Variants in PPP4R4 observed in about 807,000 individuals in gnomAD.
PPP4R4 encodes the protein protein phosphatase 4 regulatory subunit 4.
Under a neutral mutation model 121.8 loss-of-function variants are expected in PPP4R4, and 70 were observed. The observed-to-expected ratio is 0.57, with a 90% CI of 0.47 to 0.70. The LOEUF (loss-of-function observed/expected upper bound fraction) is 0.70, where lower values mean the gene tolerates loss of function less well. PPP4R4 is among the 30% of genes least tolerant of loss of function. The pLI, the probability that PPP4R4 is intolerant of heterozygous loss-of-function variation, is 0.00. For synonymous variants in PPP4R4, 348 were observed against 355.7 expected, an observed-to-expected ratio of 0.98 and a Z score of 0.24; for missense variants, 875 against 1,033.6, an observed-to-expected ratio of 0.85 and a Z score of 2.10.
At chr14:94,257,670 C>CAA (rs1350965281) in intron 17 of PPP4R4, among the ~76,000 whole-genome samples, 1 of 151,684 alleles carries the variant, frequency 6.6e-6, no homozygotes, top group Non-Finnish European at 1.5e-5. Flanking sequence ...CACACACACA[C>CAA]ACACACTTGT....
intron 2 of PPP4R4, among the ~76,000 whole-genome samples, chr14:94,194,039 T>C (rs1413954933): frequency 6.6e-6 from 1 of 152,314 alleles, no homozygotes; most frequent in African/African-American, 2.4e-5. Context: ...ATAAAACTTA[T>C]TGTATCTAAG....
At chr14:94,265,256 T>G (rs1893979350) in intron 20 of PPP4R4, 131 bp from the exon 21 acceptor site, 1 of 668,040 alleles carries the variant, frequency 1.5e-6, no homozygotes, top group Middle Eastern at 2.5e-4. Context: ...TATTACCAAG[T>G]AAGAATATTT....
intron 3 of PPP4R4, among the ~76,000 whole-genome samples, chr14:94,228,296 A>T (rs541159024): frequency 4.7e-4 from 71 of 152,324 alleles, no homozygotes; most frequent in Non-Finnish European, 6.3e-4. Flanking sequence ...CGTGAGGAAG[A>T]ATTCAGTGCA....
chr14:94,246,063 TGTAA>T, intron 13 of PPP4R4, among the ~76,000 whole-genome samples: 1 of 152,330 alleles, frequency 6.6e-6, no homozygotes, highest in South Asian at 2.1e-4. Context: ...AGTAATAATA[TGTAA>T]TACATTTTAC....
intron 2 of PPP4R4, among the ~76,000 whole-genome samples, chr14:94,179,151 A>G (rs1888837078): frequency 6.6e-6 from 1 of 152,188 alleles, no homozygotes; most frequent in Non-Finnish European, 1.5e-5. Flanking sequence ...GAATTGTGCA[A>G]CCATCACTGC....
intron 23 of PPP4R4, among the ~76,000 whole-genome samples, chr14:94,267,285 C>T (rs1413143230): frequency 6.6e-6 from 1 of 152,078 alleles, no homozygotes; most frequent in East Asian, 1.9e-4. Flanking sequence ...TATGTTTTGC[C>T]ATACTGGGAA....
intron 19 of PPP4R4, among the ~76,000 whole-genome samples, chr14:94,263,277 G>T (rs933301303): frequency 3.3e-5 from 5 of 151,794 alleles, no homozygotes; most frequent in Non-Finnish European, 7.4e-5. Context: ...ATTATTGTCC[G>T]TAGGCCAAGA....
At chr14:94,204,363 T>C (rs1050267223) in intron 2 of PPP4R4, among the ~76,000 whole-genome samples, 9 of 152,102 alleles carry the variant, frequency 5.9e-5, no homozygotes, top group Non-Finnish European at 1.2e-4. Context: ...GGATTGTCTC[T>C]GCACTGTTGC....
intron 7 of PPP4R4, among the ~76,000 whole-genome samples, chr14:94,236,845 T>G (rs1423204950): frequency 6.6e-6 from 1 of 152,208 alleles, no homozygotes; most frequent in African/African-American, 2.4e-5. Context: ...TCTTAATAAC[T>G]TTCTTGGACT....
intron 21 of PPP4R4, 103 bp from the exon 22 acceptor site, chr14:94,265,691 A>G (rs1894011172): frequency 8.6e-6 from 8 of 935,160 alleles, no homozygotes; most frequent in Non-Finnish European, 1.2e-5. Flanking sequence ...GGCTAAAGCC[A>G]TCTGTGTTTT....
At chr14:94,179,513 G>A (rs888792454) in intron 2 of PPP4R4, among the ~76,000 whole-genome samples, 8 of 152,094 alleles carry the variant, frequency 5.3e-5, no homozygotes, top group Non-Finnish European at 1.2e-4. Flanking sequence ...TTCACTTTTT[G>A]ATTCAGTCAT....
intron 24 of PPP4R4, 30 bp downstream of exon 24, chr14:94,275,551 G>A: frequency 6.2e-7 from 1 of 1,609,704 alleles, no homozygotes; most frequent in Non-Finnish European, 8.5e-7. Flanking sequence ...CAGACTGAGT[G>A]TATTATCCTC....
rs138218420 is a variant in PPP4R4, at chr14:94,186,555, C to T, written c.191+10428C>T. On this transcript the variant is annotated intron_variant, in intron 2 of 24. Transcript: ENST00000304338. ...TTTTCAGCTATTACAAACTTAGTGA[C>T]TATACACATTCATTTATAAATCTTT... Among the ~76,000 whole-genome samples, 847 of 152,312 alleles carry T rather than the reference C, an allele frequency of 5.6e-3. 5 individuals are homozygous for T. Among genetic ancestry groups the T allele is most frequent in the South Asian group, 0.022 (106 of 4,816 alleles).
At position 94,259,392 on chromosome 14, in the gene PPP4R4, C is replaced by T. The variant is rs775462008; in HGVS notation, c.2127+23C>T. 6.4e-6 allele frequency: 10 copies of T among 1,555,850 alleles called. No individual in the cohort carries two copies. The Admixed American group carries it at 1.2e-4, about 19-fold the overall frequency. On this transcript the variant is annotated intron_variant, in intron 19 of 24. Coordinates refer to ENST00000304338, the MANE Select transcript of PPP4R4 (RefSeq NM_058237.2). ...ATGGTATGTTGTTTTCACATGCACA[C>T]ACATATACTCTTTTCTGATTAATAA... is the stretch of plus-strand genomic sequence containing the variant.
intron 2 of PPP4R4, among the ~76,000 whole-genome samples, chr14:94,181,381 G>A (rs955432474): frequency 5.9e-5 from 9 of 152,088 alleles, no homozygotes; most frequent in African/African-American, 2.2e-4. Context: ...GAGGACTTTT[G>A]CATTCTTCAC....
At chr14:94,191,560 T>A (rs953748927) in intron 2 of PPP4R4, among the ~76,000 whole-genome samples, 2 of 152,158 alleles carry the variant, frequency 1.3e-5, no homozygotes, top group African/African-American at 4.8e-5. Context: ...GTTAATCGTA[T>A]TCACCTTACA....
chr14:94,221,752 G>A lies in PPP4R4; in HGVS notation c.295-8835G>A, dbSNP rs542042977. Among the ~76,000 whole-genome samples, 18 of 152,194 alleles carry A rather than the reference G, an allele frequency of 1.2e-4. No homozygotes were observed. In the East Asian group the frequency reaches 3.3e-3, roughly 28 times the overall value. On this transcript the variant is annotated intron_variant, in intron 3 of 24. Coordinates refer to ENST00000304338, the MANE Select transcript of PPP4R4 (RefSeq NM_058237.2). ...AGAGCAACTCAAACTCCCTTACACT[G>A]TTGGTGGGAATATAAAATGGTACAA...
At chr14:94,259,081 C>T (rs1383361303) in intron 18 of PPP4R4, among the ~76,000 whole-genome samples, 2 of 152,188 alleles carry the variant, frequency 1.3e-5, no homozygotes, top group Non-Finnish European at 2.9e-5. Flanking sequence ...GACTCATTCA[C>T]TATCATGAGA....
At chr14:94,205,148 G>A (rs1890394146) in intron 2 of PPP4R4, among the ~76,000 whole-genome samples, 1 of 152,008 alleles carries the variant, frequency 6.6e-6, no homozygotes, top group Admixed American at 6.6e-5. Flanking sequence ...TTCATTAAAT[G>A]GTAGTATTCT....
Sources: allele counts gnomAD v4.1 joint callset (sites outside exome capture counted in the v4.1 genomes callset), GRCh38; gene constraint gnomAD v4.1.1; transcripts MANE v1.5; gene names NCBI Gene and HGNC (gene_info 2026-07-23, HGNC 2026-07-21).